ROBO2: variants seen among roughly 807,000 people sequenced by gnomAD.
The protein encoded by ROBO2 is roundabout homolog 2.
Under a neutral mutation model 160.8 loss-of-function variants are expected in ROBO2, and 53 were observed. The ratio of observed to expected loss-of-function variants is 0.33; its 90% CI spans 0.26 to 0.41. The LOEUF is 0.41. Ranked by LOEUF, ROBO2 falls within the 10% of genes least tolerant of loss-of-function variation. ROBO2 has a pLI of 1.00. For missense variants in ROBO2, 1,577 were observed against 1,722.4 expected (o/e 0.92, Z 1.49); for synonymous variants, 664 against 611.7 (o/e 1.09, Z -1.26).
intron 2 of ROBO2, among the ~76,000 whole-genome samples, chr3:76,641,853 T>C (rs1277569194): frequency 6.6e-6 from 1 of 152,152 alleles, no homozygotes; most frequent in African/African-American, 2.4e-5. Flanking sequence ...TCCTCCCACC[T>C]CAGCCTCCCG....
At chr3:76,013,306 A>G (rs750495650) in intron 2 of ROBO2, among the ~76,000 whole-genome samples, 6 of 151,058 alleles carry the variant, frequency 4.0e-5, no homozygotes, top group Non-Finnish European at 7.4e-5. Context: ...GTAATCCCAG[A>G]GGTAATATGT....
At chr3:77,388,748 T>C (rs897252857) in intron 2 of ROBO2, among the ~76,000 whole-genome samples, 5 of 152,202 alleles carry the variant, frequency 3.3e-5, no homozygotes, top group African/African-American at 9.6e-5. Context: ...TGTGGCCTTT[T>C]ACTACCATAG....
intron 2 of ROBO2, among the ~76,000 whole-genome samples, chr3:77,129,861 A>G (rs2075691192): frequency 6.6e-6 from 1 of 152,072 alleles, no homozygotes; most frequent in African/African-American, 2.4e-5. Context: ...TTTGGCTTTG[A>G]GAAGTGCTTT....
At chr3:76,510,673 A>G (rs2081042439) in intron 2 of ROBO2, among the ~76,000 whole-genome samples, 1 of 152,126 alleles carries the variant, frequency 6.6e-6, no homozygotes, top group South Asian at 2.1e-4. Flanking sequence ...GCAGTGGGTG[A>G]GATCCTTCCA....
chr3:77,074,807 G>A (rs1373280326), intron 1 of ROBO2, among the ~76,000 whole-genome samples: 2 of 152,122 alleles, frequency 1.3e-5, no homozygotes, highest in African/African-American at 2.4e-5. Context: ...CAACATAAAT[G>A]TCTCTAAGGG....
intron 2 of ROBO2, among the ~76,000 whole-genome samples, chr3:77,440,619 T>C (rs550047128): frequency 5.3e-5 from 8 of 152,330 alleles, no homozygotes; most frequent in Admixed American, 2.6e-4. Flanking sequence ...ACTGTGTTTA[T>C]AGTAAACATT....
intron 4 of ROBO2, among the ~76,000 whole-genome samples, chr3:77,487,745 A>G (rs1485235587): frequency 1.3e-5 from 2 of 152,312 alleles, no homozygotes; most frequent in East Asian, 1.9e-4. Context: ...GGTTAACTCT[A>G]ATGTCCTTTT....
chr3:77,124,915 T>A (rs552555033), intron 2 of ROBO2, among the ~76,000 whole-genome samples: 64 of 152,120 alleles, frequency 4.2e-4, no homozygotes, highest in Non-Finnish European at 6.9e-4. Context: ...CTTTCTTTCC[T>A]TTTTCCTCTT....
At chr3:77,553,336 G>A (rs919507830) in intron 8 of ROBO2, among the ~76,000 whole-genome samples, 2 of 151,822 alleles carry the variant, frequency 1.3e-5, no homozygotes, top group Non-Finnish European at 2.9e-5. Flanking sequence ...CTTTACCCCT[G>A]TTGTTCTGTC....
chr3:77,492,537 CATAAA>C (rs1472983789), intron 4 of ROBO2, among the ~76,000 whole-genome samples: 2 of 151,618 alleles, frequency 1.3e-5, no homozygotes, highest in African/African-American at 4.8e-5. Flanking sequence ...AAATAAAAAA[CATAAA>C]ATTAAGTAAA....
chr3:77,256,558 GA>G (rs2058429097), intron 2 of ROBO2, among the ~76,000 whole-genome samples: 2 of 152,228 alleles, frequency 1.3e-5, no homozygotes, highest in South Asian at 2.1e-4. Context: ...TTATTCAGCA[GA>G]AACATCTTGA....
At chr3:77,107,982 T>A (rs926439866) in intron 2 of ROBO2, among the ~76,000 whole-genome samples, 2 of 152,120 alleles carry the variant, frequency 1.3e-5, no homozygotes, top group African/African-American at 4.8e-5. Flanking sequence ...AACAAGTACA[T>A]TATACATATA....
intron 2 of ROBO2, among the ~76,000 whole-genome samples, chr3:76,440,389 A>T (rs188804418): frequency 0.015 from 2,287 of 151,946 alleles, 28 homozygotes; most frequent in Middle Eastern, 0.037. Flanking sequence ...TCCTAATGCT[A>T]TCCCTCCCCT....
intron 2 of ROBO2, among the ~76,000 whole-genome samples, chr3:76,708,357 T>C (rs1342847407): frequency 2.0e-5 from 3 of 152,232 alleles, no homozygotes; most frequent in East Asian, 1.9e-4. Context: ...AGCACAACGG[T>C]TTGGCAGTAG....
intron 2 of ROBO2, among the ~76,000 whole-genome samples, chr3:77,348,429 A>G (rs2067919767): frequency 1.3e-5 from 2 of 152,040 alleles, no homozygotes. Flanking sequence ...TCTCATCACC[A>G]TCTTGGTTTT....
At chr3:76,264,215 A>G (rs1306490404) in intron 2 of ROBO2, among the ~76,000 whole-genome samples, 2 of 152,158 alleles carry the variant, frequency 1.3e-5, no homozygotes, top group African/African-American at 4.8e-5. Context: ...CTGCACTTGT[A>G]TCTCAGAACT....
At chr3:76,073,379 C>CA (rs1206343782) in intron 2 of ROBO2, among the ~76,000 whole-genome samples, 1 of 141,926 alleles carries the variant, frequency 7.0e-6, no homozygotes, top group Non-Finnish European at 1.5e-5. Flanking sequence ...CTGCAAGCTC[C>CA]CCTCCTGGGT....
chr3:77,611,919 A>G (rs1362788240), intron 21 of ROBO2, among the ~76,000 whole-genome samples: 1 of 152,208 alleles, frequency 6.6e-6, no homozygotes, highest in Non-Finnish European at 1.5e-5. Flanking sequence ...TTCTATGGTA[A>G]TTAAATTGAA....
chr3:76,503,258 C>T (rs527402332), intron 2 of ROBO2, among the ~76,000 whole-genome samples: 7 of 152,180 alleles, frequency 4.6e-5, no homozygotes, highest in African/African-American at 1.4e-4. Flanking sequence ...GCTTTATATT[C>T]GCGGGAAGCT....
Sources: gnomAD v4.1 joint callset for allele counts (sites outside exome capture counted in the v4.1 genomes callset) on GRCh38, gnomAD v4.1.1 for gene constraint, MANE v1.5 for transcripts, NCBI Gene and HGNC (gene_info 2026-07-23, HGNC 2026-07-21) for gene names.